The following CRYBB1 variants were observed in gnomAD, a reference collection of about 807,000 sequenced individuals.
CRYBB1 encodes crystallin beta B1.
In CRYBB1, 16 loss-of-function variants were observed where a neutral mutation model predicts 29.5. The ratio of observed to expected loss-of-function variants is 0.54; its 90% CI spans 0.37 to 0.82. The LOEUF is 0.82. Among genes scored for constraint, CRYBB1 ranks in the 40% least tolerant of loss-of-function variants. The pLI is 0.00. For synonymous variants in CRYBB1, 127 were observed against 136.7 expected, an observed-to-expected ratio of 0.93 and a Z score of 0.49; for missense variants, 300 against 350.5, an observed-to-expected ratio of 0.86 and a Z score of 1.15.
rs541027165 is a variant in CRYBB1, at chr22:26,615,657, G to C, written c.180+483C>G. Among the ~76,000 whole-genome samples, 3 of 152,214 alleles carry C rather than the reference G, an allele frequency of 2.0e-5. No individual in the cohort carries two copies. In the South Asian group the frequency reaches 6.2e-4, roughly 32 times the overall value. ...GCCTCCCAAGTAGCTGGGATTACAGGCGCCCACCACTACGCCTGGCTAATT... is the reference window on the plus strand; with the variant it reads ...GCCTCCCAAGTAGCTGGGATTACAGCCGCCCACCACTACGCCTGGCTAATT... On this transcript the variant is annotated intron_variant, in intron 2 of 5. Transcript: ENST00000647684.
chr22:26,616,372 C>T, intron 1 of CRYBB1, 34 bp from the exon 2 acceptor site: 2 of 1,439,200 alleles, frequency 1.4e-6, no homozygotes, highest in Non-Finnish European at 1.9e-6. Flanking sequence ...GGGATGACAC[C>T]CCCAAACTGC....
At chr22:26,613,098 C>T (rs1037362136) in intron 2 of CRYBB1, among the ~76,000 whole-genome samples, 1 of 152,222 alleles carries the variant, frequency 6.6e-6, no homozygotes, top group Non-Finnish European at 1.5e-5. Flanking sequence ...GCCCCAGTAC[C>T]TGCCACAGAG....
intron 2 of CRYBB1, 93 bp from the exon 3 acceptor site, chr22:26,612,283 A>T (rs903641245): frequency 2.5e-6 from 2 of 814,906 alleles, no homozygotes; most frequent in African/African-American, 3.4e-5. Context: ...GCAGTGCAGG[A>T]GTCACATAAA....
intron 2 of CRYBB1, among the ~76,000 whole-genome samples, chr22:26,614,813 C>T (rs1024942659): frequency 1.3e-5 from 2 of 151,934 alleles, no homozygotes; most frequent in African/African-American, 2.4e-5. Context: ...TCTCATAATT[C>T]GGTCTCAAAA....
chr22:26,608,994 A>G (rs911111164), intron 3 of CRYBB1, among the ~76,000 whole-genome samples: 13 of 152,172 alleles, frequency 8.5e-5, no homozygotes, highest in African/African-American at 3.1e-4. Context: ...TGTTACAGGG[A>G]CCAGGGATTG....
chr22:26,599,456 G>A lies in CRYBB1; in HGVS notation c.*34C>T, dbSNP rs1381344666. ...GGGGGAAATAATTGAACATGAAGAAGGGTTGGGGCAAGGTAGCAGAGTGAG... is the reference window on the plus strand; with the variant it reads ...GGGGGAAATAATTGAACATGAAGAAAGGTTGGGGCAAGGTAGCAGAGTGAG... On this transcript the variant is annotated 3_prime_UTR_variant, in exon 6 of 6. Coordinates refer to ENST00000647684, the MANE Select transcript of CRYBB1 (RefSeq NM_001887.4). 1.3e-5 allele frequency: 20 copies of A among 1,579,592 alleles called. No individual in the cohort carries two copies. The highest frequency in any genetic ancestry group is 1.7e-5 in the Non-Finnish European group (20 of 1,157,064).
intron 4 of CRYBB1, among the ~76,000 whole-genome samples, chr22:26,606,983 A>C (rs1928996116): frequency 6.6e-6 from 1 of 151,424 alleles, no homozygotes; most frequent in South Asian, 2.1e-4. Context: ...TCTTATTATT[A>C]AGAGGTTCAA....
chr22:26,613,257 G>C (rs1929237435), intron 2 of CRYBB1, among the ~76,000 whole-genome samples: 1 of 152,356 alleles, frequency 6.6e-6, no homozygotes, highest in Middle Eastern at 3.4e-3. Context: ...CATGGACCAA[G>C]GCACAATTTT....
intron 2 of CRYBB1, among the ~76,000 whole-genome samples, chr22:26,612,800 G>A (rs1008951939): frequency 6.6e-6 from 1 of 152,136 alleles, no homozygotes; most frequent in African/African-American, 2.4e-5. Flanking sequence ...CCTAACTGAA[G>A]TTCCCTAATA....
At chr22:26,603,656 G>A (rs531200543) in intron 4 of CRYBB1, among the ~76,000 whole-genome samples, 6 of 152,190 alleles carry the variant, frequency 3.9e-5, no homozygotes, top group South Asian at 2.1e-4. Flanking sequence ...TGTAATCCCA[G>A]CACTTTAGGA....
chr22:26,600,316 G>A (rs192783235), intron 5 of CRYBB1, among the ~76,000 whole-genome samples: 15 of 152,150 alleles, frequency 9.9e-5, no homozygotes, highest in South Asian at 4.2e-4. Flanking sequence ...GCAGGAGAAC[G>A]GCGTGAACCC....
At chr22:26,612,229 G>C (rs770427200) in intron 2 of CRYBB1, 39 bp from the exon 3 acceptor site, 37 of 1,403,888 alleles carry the variant, frequency 2.6e-5, no homozygotes, top group Non-Finnish European at 3.5e-5. Context: ...GCAGAGTGAG[G>C]GGGGAGTCAA....
intron 3 of CRYBB1, 103 bp downstream of exon 3, chr22:26,611,969 G>A (rs766375559): frequency 2.4e-6 from 2 of 839,406 alleles, no homozygotes; most frequent in Non-Finnish European, 2.1e-6. Context: ...CCAGGAGTAC[G>A]AACGGCCGCA....
intron 3 of CRYBB1, among the ~76,000 whole-genome samples, chr22:26,608,481 AAG>A (rs1393552307): frequency 5.3e-5 from 8 of 152,218 alleles, no homozygotes; most frequent in Admixed American, 5.2e-4. Flanking sequence ...TTTTGTAACA[AAG>A]AGAGAAAAGA....
intron 3 of CRYBB1, among the ~76,000 whole-genome samples, chr22:26,609,355 A>T (rs1214939923): frequency 6.6e-6 from 1 of 151,742 alleles, no homozygotes; most frequent in Non-Finnish European, 1.5e-5. Context: ...TCTGGAGTAG[A>T]AGAGAAATAA....
At chr22:26,605,692 A>AAG (rs1555940605) in intron 4 of CRYBB1, among the ~76,000 whole-genome samples, 9 of 148,898 alleles carry the variant, frequency 6.0e-5, no homozygotes, top group African/African-American at 2.2e-4. Context: ...AAAAAAAAAA[A>AAG]GGAAAATAGA....
In CRYBB1 at chr22:26,612,099, A is replaced by G; in HGVS notation, c.272T>C (p.Val91Ala). 4 of 1,613,762 alleles carry G rather than the reference A, an allele frequency of 2.5e-6. No homozygotes were observed. The South Asian group carries it at 4.4e-5, about 18-fold the overall frequency. Residue 91 changes from valine (V) to alanine (A), a missense_variant, in exon 3 of 6, where the codon GTG becomes GCG. Val to Ala is a moderately conservative substitution (Grantham distance 64, BLOSUM62 0). Transcript: ENST00000647684. ...TCCCGCGGAGACAATGATGCTGCGC[A>G]CACGGTCGAAGCCACGGTCTGCCAG... ...SNLADRGFDR[V>A]RSIIVSAGPW...
intron 5 of CRYBB1, among the ~76,000 whole-genome samples, chr22:26,600,980 T>A (rs1026898416): frequency 3.3e-5 from 5 of 152,206 alleles, no homozygotes; most frequent in African/African-American, 1.2e-4. Flanking sequence ...TCCTTGAAGG[T>A]AGGAACTTGG....
In CRYBB1 at chr22:26,601,949, C is replaced by T. The variant is rs746761127; in HGVS notation, c.505G>A (p.Asp169Asn). Residue 169 changes from aspartate to asparagine, a missense_variant, in exon 5 of 6, where the codon GAC becomes AAC. By Grantham distance (23) the Asp-to-Asn change is conservative (BLOSUM62 1). Coordinates refer to ENST00000647684, the MANE Select transcript of CRYBB1 (RefSeq NM_001887.4). ...FKGNTIEIQGDDAPSLWVYGF... is the reference protein window; with the variant it reads ...FKGNTIEIQGNDAPSLWVYGF... ...TAGACCCAGAGACTGGGTGCGTCGT[C>T]CCCCTGGATCTCTATGGTGTTGCCC... is the stretch of plus-strand genomic sequence containing the variant. 1 of 1,613,460 alleles carries T rather than the reference C, an allele frequency of 6.2e-7. No individual in the cohort carries two copies. Among genetic ancestry groups the T allele is most frequent in the South Asian group, 1.1e-5 (1 of 91,054 alleles).
Sources: gnomAD v4.1 joint callset for allele counts (sites outside exome capture counted in the v4.1 genomes callset) on GRCh38, gnomAD v4.1.1 for gene constraint, MANE v1.5 for transcripts, NCBI Gene and HGNC (gene_info 2026-07-23, HGNC 2026-07-21) for gene names.